Variants in RDH10 observed in about 807,000 individuals in gnomAD.
The protein encoded by RDH10 is retinol dehydrogenase 10.
In RDH10, 12 loss-of-function variants were observed where a neutral mutation model predicts 30.2. The observed-to-expected ratio is 0.40, with a 90% CI of 0.25 to 0.64. The LOEUF is 0.64. RDH10 is among the 30% of genes least tolerant of loss of function. RDH10 has a pLI of 0.43. For missense variants in RDH10, 268 were observed against 445.2 expected (o/e 0.60, Z 3.58); for synonymous variants, 189 against 172.2 (o/e 1.10, Z -0.76).
At chr8:73,308,884 A>C (rs1814508761) in intron 2 of RDH10, among the ~76,000 whole-genome samples, 1 of 152,196 alleles carries the variant, frequency 6.6e-6, no homozygotes, top group African/African-American at 2.4e-5. Flanking sequence ...GGGAGTAGAC[A>C]GATTGCTCAG....
At chr8:73,295,774 G>A (rs1814250961) in intron 1 of RDH10, 196 bp downstream of exon 1, 1 of 956,180 alleles carries the variant, frequency 1.0e-6, no homozygotes, top group Non-Finnish European at 1.4e-6. Flanking sequence ...CCAGGGAGAA[G>A]GTGCCCTGTC....
intron 2 of RDH10, among the ~76,000 whole-genome samples, chr8:73,304,679 A>G (rs1434661193): frequency 2.6e-5 from 4 of 152,106 alleles, no homozygotes; most frequent in Admixed American, 2.0e-4. Context: ...AGCCTTGCAC[A>G]CACTTATGCT....
intron 4 of RDH10, chr8:73,321,836 CA>C: frequency 2.2e-6 from 1 of 456,254 alleles, no homozygotes; most frequent in South Asian, 1.5e-5. Context: ...CTGAACTGAA[CA>C]AGCAGCAAAA....
rs1295602511 is a variant in RDH10 at position 73,323,155 on chromosome 8, T to A, written c.*119T>A. On this transcript the variant is annotated 3_prime_UTR_variant, in exon 6 of 6. Transcript: ENST00000240285. ...AAACTTGTGTTGTTTCTTTTTTAAATCAACTTTTTAAAAAAATAAAGTGTA... is the reference window on the plus strand; with the variant it reads ...AAACTTGTGTTGTTTCTTTTTTAAAACAACTTTTTAAAAAAATAAAGTGTA... The A allele has an allele frequency of 9.5e-6, 8 of 843,438 alleles. No homozygotes were observed. Among genetic ancestry groups the A allele is most frequent in the African/African-American group, 1.7e-5 (1 of 58,326 alleles). The allele number at this position is 843,438 out of a possible 1,614,324, so 52.2% of individuals were successfully genotyped here.
chr8:73,302,707 T>C (rs1185219557), intron 2 of RDH10, among the ~76,000 whole-genome samples: 2 of 152,070 alleles, frequency 1.3e-5, no homozygotes, highest in East Asian at 1.9e-4. Flanking sequence ...AAGAAAAATA[T>C]CTCTCTGTAT....
Position 73,323,166 on chromosome 8 carries a change from A to G in RDH10, c.*130A>G. Reference sequence around the variant, plus strand: ...GTTTCTTTTTTAAATCAACTTTTTAAAAAAATAAAGTGTAAATTAACCGAC... The same window carrying G: ...GTTTCTTTTTTAAATCAACTTTTTAGAAAAATAAAGTGTAAATTAACCGAC... On this transcript the variant is annotated 3_prime_UTR_variant, in exon 6 of 6. Transcript: ENST00000240285. 1 of 781,332 alleles carries G rather than the reference A, an allele frequency of 1.3e-6. No homozygotes were observed. The highest frequency in any genetic ancestry group is 2.0e-6 in the Non-Finnish European group (1 of 494,500). The allele number at this position is 781,332 out of a possible 1,614,324, so 48.4% of individuals were successfully genotyped here.
intron 2 of RDH10, among the ~76,000 whole-genome samples, chr8:73,314,737 GGTT>G (rs2130373923): frequency 6.6e-6 from 1 of 152,284 alleles, no homozygotes; most frequent in African/African-American, 2.4e-5. Flanking sequence ...GCTCTTTGGT[GGTT>G]GTTGACGCTG....
chr8:73,297,709 G>A (rs552641483), intron 2 of RDH10: 8 of 309,538 alleles, frequency 2.6e-5, no homozygotes, highest in African/African-American at 8.4e-5. Context: ...ACGAAGGAGC[G>A]TAAAACCCTG....
At chr8:73,317,199 C>T (rs1176826779) in intron 2 of RDH10, among the ~76,000 whole-genome samples, 3 of 152,066 alleles carry the variant, frequency 2.0e-5, no homozygotes, top group Non-Finnish European at 2.9e-5. Context: ...GACTATAGGT[C>T]TTAGAGAAAT....
chr8:73,306,936 A>T (rs533358674), intron 2 of RDH10, among the ~76,000 whole-genome samples: 4 of 152,250 alleles, frequency 2.6e-5, no homozygotes, highest in Non-Finnish European at 4.4e-5. Context: ...AGTGAAACTT[A>T]AAATTCAAAG....
At chr8:73,298,949 G>T (rs956570855) in intron 2 of RDH10, among the ~76,000 whole-genome samples, 1 of 152,254 alleles carries the variant, frequency 6.6e-6, no homozygotes, top group Non-Finnish European at 1.5e-5. Context: ...CAAGTAGCTG[G>T]GATTGCAGGC....
chr8:73,299,512 A>G (rs1586187047), intron 2 of RDH10, among the ~76,000 whole-genome samples: 1 of 152,254 alleles, frequency 6.6e-6, no homozygotes, highest in East Asian at 1.9e-4. Context: ...AAGCTGCCGT[A>G]AAAACTGCAG....
intron 2 of RDH10, among the ~76,000 whole-genome samples, chr8:73,303,141 A>C (rs368152468): frequency 2.0e-5 from 3 of 152,198 alleles, no homozygotes; most frequent in Non-Finnish European, 4.4e-5. Context: ...TCTATATCCA[A>C]ATGTCTAAAG....
chr8:73,312,795 C>A (rs901695417), intron 2 of RDH10: 12 of 152,332 alleles, frequency 7.9e-5, no homozygotes, highest in African/African-American at 2.4e-4. Context: ...GTTGACCTTT[C>A]TCCCAGCGTT....
At chr8:73,314,941 C>G (rs2130374135) in intron 2 of RDH10, among the ~76,000 whole-genome samples, 1 of 152,266 alleles carries the variant, frequency 6.6e-6, no homozygotes, top group East Asian at 1.9e-4. Flanking sequence ...CTCACCTGTG[C>G]TTTACAGAAC....
At chr8:73,322,199 G>C (rs1012237339) in intron 4 of RDH10, 2 of 353,360 alleles carry the variant, frequency 5.7e-6, no homozygotes, top group African/African-American at 2.1e-5. Flanking sequence ...CATTTCAGGG[G>C]CCCCTAGAGA....
intron 2 of RDH10, chr8:73,311,679 TATGAC>T (rs1200982166): frequency 6.6e-6 from 1 of 152,268 alleles, no homozygotes; most frequent in African/African-American, 2.4e-5. Context: ...ATTTGACTAT[TATGAC>T]ATGTTCTTTA....
intron 2 of RDH10, among the ~76,000 whole-genome samples, chr8:73,317,188 T>A (rs1431225072): frequency 6.6e-6 from 1 of 152,218 alleles, no homozygotes; most frequent in East Asian, 1.9e-4. Flanking sequence ...TAAATGGTAC[T>A]GACTATAGGT....
intron 2 of RDH10, among the ~76,000 whole-genome samples, chr8:73,313,704 AGTCAACCATATTTTC>A: frequency 6.6e-6 from 1 of 152,286 alleles, no homozygotes; most frequent in East Asian, 1.9e-4. Context: ...CTAGATCAAG[AGTCAACCATATTTTC>A]CTGCTGAAGA....
Sources: gnomAD v4.1 joint callset for allele counts (sites outside exome capture counted in the v4.1 genomes callset) on GRCh38, gnomAD v4.1.1 for gene constraint, MANE v1.5 for transcripts, NCBI Gene and HGNC (gene_info 2026-07-23, HGNC 2026-07-21) for gene names.